DTNA: variants seen among roughly 807,000 people sequenced by gnomAD.
The protein encoded by DTNA is dystrophin-related protein 3.
Under a neutral mutation model 100.7 loss-of-function variants are expected in DTNA, and 43 were observed. That is an observed-to-expected ratio of 0.43 (90% CI 0.33 to 0.55). The LOEUF (loss-of-function observed/expected upper bound fraction) is 0.55, where lower values mean the gene tolerates loss of function less well. Ranked by LOEUF, DTNA falls within the 20% of genes least tolerant of loss-of-function variation. The pLI is 0.04. For missense variants in DTNA, 798 were observed against 953.9 expected (o/e 0.84, Z 2.15); for synonymous variants, 349 against 347.9 (o/e 1.00, Z -0.04).
chr18:34,842,652 C>G (rs1385866612), intron 13 of DTNA, among the ~76,000 whole-genome samples: 3 of 152,156 alleles, frequency 2.0e-5, no homozygotes, highest in Non-Finnish European at 2.9e-5. Flanking sequence ...GACTCCAATA[C>G]TAGTTCTCCC....
chr18:34,577,727 G>A (rs996749736), intron 1 of DTNA, among the ~76,000 whole-genome samples: 2 of 152,122 alleles, frequency 1.3e-5, no homozygotes, highest in South Asian at 2.1e-4. Context: ...TAGAATAGTA[G>A]TCTCTCATCC....
chr18:34,627,840 T>A (rs2057535499), intron 1 of DTNA, among the ~76,000 whole-genome samples: 1 of 152,254 alleles, frequency 6.6e-6, no homozygotes, highest in African/African-American at 2.4e-5. Flanking sequence ...AAAATCTTCA[T>A]TCAATTTTTG....
chr18:34,653,648 C>T (rs1048307047), intron 1 of DTNA, among the ~76,000 whole-genome samples: 1 of 151,962 alleles, frequency 6.6e-6, no homozygotes, highest in African/African-American at 2.4e-5. Flanking sequence ...CGTGGTGAAA[C>T]CCCATTTCTA....
intron 3 of DTNA, chr18:34,767,782 C>T (rs1700016523): frequency 6.6e-6 from 1 of 152,194 alleles, no homozygotes; most frequent in African/African-American, 2.4e-5. Context: ...AAAGCCCCAC[C>T]TCTCAACACT....
chr18:34,869,436 G>GA (rs1255670751), intron 17 of DTNA, among the ~76,000 whole-genome samples: 2 of 151,900 alleles, frequency 1.3e-5, no homozygotes, highest in African/African-American at 2.4e-5. Context: ...TTTAACAGTA[G>GA]AAAAAAAGAG....
intron 1 of DTNA, among the ~76,000 whole-genome samples, chr18:34,603,957 G>A (rs1415180820): frequency 2.6e-5 from 4 of 152,116 alleles, no homozygotes; most frequent in Admixed American, 2.0e-4. Context: ...CTCTACTAAA[G>A]TTATCATGTA....
intron 1 of DTNA, among the ~76,000 whole-genome samples, chr18:34,665,370 G>T (rs1568160314): frequency 1.3e-5 from 2 of 151,970 alleles, no homozygotes; most frequent in Non-Finnish European, 2.9e-5. Context: ...AATTTTTTAT[G>T]AAAACAAGAT....
At chr18:34,574,683 C>A (rs1206780294) in intron 1 of DTNA, among the ~76,000 whole-genome samples, 2 of 152,150 alleles carry the variant, frequency 1.3e-5, no homozygotes, top group Non-Finnish European at 2.9e-5. Flanking sequence ...GGCTGGAATG[C>A]AGTAATGATG....
intron 1 of DTNA, among the ~76,000 whole-genome samples, chr18:34,620,153 G>A (rs770671157): frequency 4.6e-5 from 7 of 152,296 alleles, no homozygotes; most frequent in Non-Finnish European, 1.0e-4. Context: ...GTTCAGTGTA[G>A]TGGTGGGAAA....
At chr18:34,575,622 T>A (rs1347871) in intron 1 of DTNA, among the ~76,000 whole-genome samples, 15,578 of 152,236 alleles carry the variant, frequency 0.1, 1,167 homozygotes, top group African/African-American at 0.2. Context: ...TTCCCTAAAG[T>A]TTGGATTTTT....
In DTNA at chr18:34,521,390, G is replaced by A. The variant is rs191021998; in HGVS notation, c.-2+27876G>A. Reference sequence around the variant, plus strand: ...TGACTGTATCCCCTGCTCCTCCTTCGGCTTCCATGGCTAGTCCTTCAGAAT... The same window carrying A: ...TGACTGTATCCCCTGCTCCTCCTTCAGCTTCCATGGCTAGTCCTTCAGAAT... On this transcript the variant is annotated intron_variant, in intron 1 of 19. Transcript: ENST00000283365. Among the ~76,000 whole-genome samples, 209 of 152,130 alleles carry A rather than the reference G, an allele frequency of 1.4e-3. 1 individual carries two copies. The highest frequency in any genetic ancestry group is 4.7e-3 in the African/African-American group (195 of 41,488).
At position 34,773,091 on chromosome 18, in the gene DTNA, A is replaced by G. The variant is rs2093866844; in HGVS notation, c.148+7050A>G. Among the ~76,000 whole-genome samples the G allele has an allele frequency of 2.0e-5, 3 of 152,100 alleles. No homozygotes were observed. In the South Asian group the frequency reaches 6.2e-4, roughly 32 times the overall value. The stretch of plus-strand genomic sequence containing the variant: ...CTAGAGTGTCCTCTCTGACTTCCCC[A>G]TTTATGACTAGCCAGAGAAGTCTCC... On this transcript the variant is annotated intron_variant, in intron 3 of 22. Transcript: ENST00000444659.
intron 15 of DTNA, among the ~76,000 whole-genome samples, chr18:34,856,945 G>T (rs571146572): frequency 1.3e-5 from 2 of 152,286 alleles, no homozygotes; most frequent in South Asian, 4.1e-4. Context: ...CAGGGTGTTA[G>T]CCCTGGAGGA....
At chr18:34,751,188 C>G (rs1422742916) in intron 1 of DTNA, among the ~76,000 whole-genome samples, 2 of 152,198 alleles carry the variant, frequency 1.3e-5, no homozygotes, top group Non-Finnish European at 2.9e-5. Flanking sequence ...TCTCATCTGC[C>G]ATTCTCTGTG....
In DTNA at chr18:34,810,112, A is replaced by G. The variant is rs139404408; in HGVS notation, c.449-1847A>G. ...AGGATCTTAAGGGATTCTAAATCCA[A>G]TGCTGTAAGCCTGGTATGTCATGTG... On this transcript the variant is annotated intron_variant, in intron 5 of 22. Transcript: ENST00000444659. 3.9e-4 allele frequency among the ~76,000 whole-genome samples: 60 copies of G among 152,360 alleles called. 1 individual carries two copies. The East Asian group carries it at 0.011, about 27-fold the overall frequency.
intron 1 of DTNA, among the ~76,000 whole-genome samples, chr18:34,704,958 T>C (rs2081930227): frequency 6.6e-6 from 1 of 152,040 alleles, no homozygotes; most frequent in East Asian, 1.9e-4. Context: ...CACACCTGGG[T>C]TTACAGGATA....
intron 3 of DTNA, among the ~76,000 whole-genome samples, chr18:34,784,374 G>A (rs1198820529): frequency 2.0e-5 from 3 of 152,154 alleles, no homozygotes; most frequent in African/African-American, 7.2e-5. Context: ...AAATTTCTCT[G>A]GTTCTAGGTC....
intron 1 of DTNA, among the ~76,000 whole-genome samples, chr18:34,521,414 A>G (rs1168617709): frequency 6.6e-6 from 1 of 152,180 alleles, no homozygotes; most frequent in Admixed American, 6.5e-5. Context: ...GTCCTTCAGA[A>G]TGAACCAAGA....
chr18:34,844,170 A>G (rs538964709), intron 13 of DTNA, among the ~76,000 whole-genome samples: 4 of 152,260 alleles, frequency 2.6e-5, no homozygotes, highest in African/African-American at 9.6e-5. Context: ...CATGACCTCA[A>G]CTGTAACATA....
Sources: allele counts gnomAD v4.1 joint callset (sites outside exome capture counted in the v4.1 genomes callset), GRCh38; gene constraint gnomAD v4.1.1; transcripts MANE v1.5; gene names NCBI Gene and HGNC (gene_info 2026-07-23, HGNC 2026-07-21).